The following PGM2L1 variants were observed in gnomAD, a reference collection of about 807,000 sequenced individuals.
PGM2L1 encodes glucose 1,6-bisphosphate synthase.
PGM2L1 carries 35 observed loss-of-function variants against 73.4 expected under a neutral mutation model. The observed-to-expected ratio is 0.48, with a 90% CI of 0.36 to 0.63. PGM2L1 has a LOEUF of 0.63. Ranked by LOEUF, PGM2L1 falls within the 30% of genes least tolerant of loss-of-function variation. The probability of loss-of-function intolerance (pLI) is 0.00; values close to 1 mark genes in which losing one functional copy is unlikely to be tolerated. For missense variants in PGM2L1, 570 were observed against 742.0 expected (o/e 0.77, Z 2.69); for synonymous variants, 225 against 253.8 (o/e 0.89, Z 1.08).
intron 5 of PGM2L1, among the ~76,000 whole-genome samples, chr11:74,365,999 T>C (rs1862649785): frequency 6.6e-6 from 1 of 152,142 alleles, no homozygotes; most frequent in African/African-American, 2.4e-5. Flanking sequence ...TAAGAAAATG[T>C]GGCACATATA....
intron 1 of PGM2L1, among the ~76,000 whole-genome samples, chr11:74,383,369 C>T (rs1485739285): frequency 1.3e-5 from 2 of 151,874 alleles, no homozygotes; most frequent in Non-Finnish European, 2.9e-5. Context: ...GTGATTGTTC[C>T]TTATATCTTT....
chr11:74,395,693 C>T (rs1367946545), intron 1 of PGM2L1, among the ~76,000 whole-genome samples: 1 of 151,336 alleles, frequency 6.6e-6, no homozygotes, highest in Non-Finnish European at 1.5e-5. Context: ...AAGCGTGAGC[C>T]ACCGTGCCTG....
In PGM2L1 at chr11:74,335,850, T is replaced by G. The variant is rs1345995037; in HGVS notation, c.*802A>C. ...TTGATATAGAGGAAGCACCTACAGATTTTGGAAGATTTTCCTTAGCTATCT... is the reference window on the plus strand; with the variant it reads ...TTGATATAGAGGAAGCACCTACAGAGTTTGGAAGATTTTCCTTAGCTATCT... On this transcript the variant is annotated 3_prime_UTR_variant, in exon 14 of 14. Transcript: ENST00000298198. 6.6e-6 allele frequency: 1 copy of G among 152,644 alleles called. No homozygotes were observed. The highest frequency in any genetic ancestry group is 6.5e-5 in the Admixed American group (1 of 15,276). 9.5% of individuals were successfully genotyped at this position (152,644 alleles called of 1,614,324 possible).
chr11:74,343,040 A>C, intron 10 of PGM2L1, 26 bp from the exon 11 acceptor site: 1 of 1,574,726 alleles, frequency 6.4e-7, no homozygotes. Flanking sequence ...CATCACTAGA[A>C]AAGAGGAAAA....
intron 1 of PGM2L1, among the ~76,000 whole-genome samples, chr11:74,378,316 G>A (rs1483366383): frequency 2.0e-5 from 3 of 150,876 alleles, no homozygotes; most frequent in South Asian, 4.2e-4. Context: ...AAAAAAAAAA[G>A]AAAAAGAAAA....
intron 5 of PGM2L1, among the ~76,000 whole-genome samples, chr11:74,352,350 A>C (rs1481192613): frequency 1.3e-5 from 2 of 152,196 alleles, no homozygotes; most frequent in African/African-American, 2.4e-5. Context: ...TTCTATTATA[A>C]AGTAGAATTT....
chr11:74,396,609 T>C (rs111672515), intron 1 of PGM2L1, among the ~76,000 whole-genome samples: 4,843 of 151,886 alleles, frequency 0.032, 254 homozygotes, highest in African/African-American at 0.11. Flanking sequence ...AGAGACGGGG[T>C]TTCACCATGT....
At position 74,336,666 on chromosome 11, in the gene PGM2L1, A is replaced by C. The variant is rs1166925899; in HGVS notation, c.1855T>G (p.Trp619Gly). Residue 619 changes from tryptophan to glycine, a missense_variant, in exon 14 of 14, where the codon TGG becomes GGG. Physicochemically the swap from Trp to Gly is radical, Grantham distance 184. Coordinates refer to ENST00000298198, the MANE Select transcript of PGM2L1 (RefSeq NM_173582.6). Reference protein sequence around the residue: ...FLQPSKNGLIWRSV With the variant: ...FLQPSKNGLIGRSV ...TTGGTGTACCCCTAAACAGAACGCC[A>C]GATCAGTCCATTCTTACTAGGCTGA... 1.9e-6 allele frequency: 3 copies of C among 1,608,078 alleles called. No individual in the cohort carries two copies. The highest frequency in any genetic ancestry group is 2.6e-6 in the Non-Finnish European group (3 of 1,175,788).
rs148939874 is a variant in PGM2L1, at chr11:74,384,975, T to A, written c.112-10393A>T. On this transcript the variant is annotated intron_variant, in intron 1 of 13. Transcript: ENST00000298198. ...AGCTGCCTATCCTGATCAATAAATG[T>A]GCCCTGGGCAAAAGTGGCCCCCTAA... Among the ~76,000 whole-genome samples, 8 of 152,336 alleles carry A rather than the reference T, an allele frequency of 5.3e-5. No homozygotes were observed. In the South Asian group the frequency reaches 1.2e-3, roughly 24 times the overall value.
At chr11:74,365,843 C>T (rs1434331952) in intron 5 of PGM2L1, among the ~76,000 whole-genome samples, 1 of 152,104 alleles carries the variant, frequency 6.6e-6, no homozygotes, top group Non-Finnish European at 1.5e-5. Flanking sequence ...ACCATTTGAC[C>T]CAGCAATCCC....
At chr11:74,364,145 C>T (rs1862613501) in intron 5 of PGM2L1, among the ~76,000 whole-genome samples, 1 of 152,090 alleles carries the variant, frequency 6.6e-6, no homozygotes, top group Non-Finnish European at 1.5e-5. Context: ...GCAGAAAAGG[C>T]CTTTGACAAA....
intron 5 of PGM2L1, among the ~76,000 whole-genome samples, chr11:74,367,993 T>C (rs1037802633): frequency 2.0e-5 from 3 of 152,150 alleles, no homozygotes; most frequent in Non-Finnish European, 4.4e-5. Flanking sequence ...CGTGGTTCAA[T>C]ACTGTGCTGC....
chr11:74,364,490 T>C (rs1482235324), intron 5 of PGM2L1, among the ~76,000 whole-genome samples: 1 of 152,210 alleles, frequency 6.6e-6, no homozygotes, highest in Admixed American at 6.5e-5. Context: ...AAAATCTCCT[T>C]AAGCTGATAA....
At chr11:74,338,903 T>C (rs1252089220) in intron 12 of PGM2L1, among the ~76,000 whole-genome samples, 3 of 151,100 alleles carry the variant, frequency 2.0e-5, no homozygotes, top group African/African-American at 2.4e-5. Flanking sequence ...ATTTTTGTTA[T>C]GTGTTTTTTT....
intron 4 of PGM2L1, 99 bp from the exon 5 acceptor site, chr11:74,368,674 G>C: frequency 1.1e-6 from 1 of 890,406 alleles, no homozygotes; most frequent in Non-Finnish European, 1.8e-6. Flanking sequence ...AAGCATTATA[G>C]TATGATATTG....
intron 5 of PGM2L1, among the ~76,000 whole-genome samples, chr11:74,360,237 AAAAAT>A (rs1234666840): frequency 9.2e-5 from 14 of 151,402 alleles, no homozygotes; most frequent in Admixed American, 7.9e-4. Flanking sequence ...CTTAAAAAAT[AAAAAT>A]AAAATAAAAT....
chr11:74,339,553 C>T (rs1862152697), intron 12 of PGM2L1, among the ~76,000 whole-genome samples: 1 of 152,188 alleles, frequency 6.6e-6, no homozygotes, highest in Admixed American at 6.5e-5. Context: ...TCACCCACAG[C>T]CCATAAAGTA....
chr11:74,355,415 G>A (rs1005132624), intron 5 of PGM2L1: 20 of 519,382 alleles, frequency 3.9e-5, no homozygotes, highest in Admixed American at 1.2e-4. Flanking sequence ...TTAGCCGGGC[G>A]TGGTAGCGGT....
At chr11:74,380,392 A>G (rs1479910705) in intron 1 of PGM2L1, among the ~76,000 whole-genome samples, 5 of 152,156 alleles carry the variant, frequency 3.3e-5, no homozygotes, top group Non-Finnish European at 7.4e-5. Flanking sequence ...ATTTTTGTGT[A>G]ATTCTAAATT....
Sources: gnomAD v4.1 joint callset for allele counts (sites outside exome capture counted in the v4.1 genomes callset) on GRCh38, gnomAD v4.1.1 for gene constraint, MANE v1.5 for transcripts, NCBI Gene and HGNC (gene_info 2026-07-23, HGNC 2026-07-21) for gene names.